The following TCERG1L variants were observed in gnomAD, a reference collection of about 807,000 sequenced individuals.
The protein encoded by TCERG1L is transcription elongation regulator 1-like protein.
TCERG1L carries 37 observed loss-of-function variants against 56.3 expected under a neutral mutation model. The observed-to-expected ratio is 0.66, with a 90% CI of 0.51 to 0.87. TCERG1L has a LOEUF of 0.87. Ranked by LOEUF, TCERG1L falls within the 40% of genes least tolerant of loss-of-function variation. The pLI is 0.00. For missense variants in TCERG1L, 799 were observed against 774.2 expected (o/e 1.03, Z -0.38); for synonymous variants, 324 against 326.3 (o/e 0.99, Z 0.08).
intron 7 of TCERG1L, among the ~76,000 whole-genome samples, chr10:131,142,059 G>C (rs1025019960): frequency 1.3e-5 from 2 of 152,214 alleles, no homozygotes; most frequent in African/African-American, 4.8e-5. Flanking sequence ...TTGGCATCAC[G>C]TTACAGAGAC....
At chr10:131,135,705 A>G (rs1845668362) in intron 7 of TCERG1L, among the ~76,000 whole-genome samples, 1 of 152,138 alleles carries the variant, frequency 6.6e-6, no homozygotes, top group Non-Finnish European at 1.5e-5. Context: ...CACGAGCCAC[A>G]GGACCACAGA....
intron 8 of TCERG1L, 64 bp downstream of exon 8, chr10:131,134,315 T>C (rs1845651246): frequency 2.1e-6 from 3 of 1,443,874 alleles, no homozygotes; most frequent in Non-Finnish European, 2.9e-6. Flanking sequence ...TGATGCCTTT[T>C]CTTTCTACAC....
chr10:131,130,503 C>T (rs1845606734), intron 8 of TCERG1L, among the ~76,000 whole-genome samples: 1 of 152,176 alleles, frequency 6.6e-6, no homozygotes, highest in South Asian at 2.1e-4. Flanking sequence ...CTGGCTGTCC[C>T]CTCAGGGCCC....
intron 4 of TCERG1L, among the ~76,000 whole-genome samples, chr10:131,208,998 C>A (rs1845583882): frequency 6.8e-6 from 1 of 146,526 alleles, no homozygotes; most frequent in Non-Finnish European, 1.5e-5. Flanking sequence ...GTGGAGGTTG[C>A]AGTGAGCTGA....
At chr10:131,265,788 CTT>C (rs1846278627) in intron 3 of TCERG1L, among the ~76,000 whole-genome samples, 1 of 152,234 alleles carries the variant, frequency 6.6e-6, no homozygotes. Context: ...AACTGTAACT[CTT>C]TTGCCAGTGG....
At chr10:131,175,596 G>A (rs972391941) in intron 4 of TCERG1L, among the ~76,000 whole-genome samples, 1 of 152,236 alleles carries the variant, frequency 6.6e-6, no homozygotes, top group Non-Finnish European at 1.5e-5. Context: ...TGAATGAGCT[G>A]ATGGTGAGTC....
chr10:131,258,918 A>C (rs1449436423), intron 4 of TCERG1L, among the ~76,000 whole-genome samples: 1 of 152,168 alleles, frequency 6.6e-6, no homozygotes, highest in Non-Finnish European at 1.5e-5. Context: ...GTCACCCCTA[A>C]TACATGTCAA....
At chr10:131,229,773 A>G (rs1404920055) in intron 4 of TCERG1L, among the ~76,000 whole-genome samples, 2 of 152,176 alleles carry the variant, frequency 1.3e-5, no homozygotes, top group Non-Finnish European at 2.9e-5. Context: ...AGAGGTAAAT[A>G]AAATTTTTAA....
At chr10:131,190,052 G>A (rs1845287848) in intron 4 of TCERG1L, among the ~76,000 whole-genome samples, 2 of 152,080 alleles carry the variant, frequency 1.3e-5, no homozygotes, top group Admixed American at 6.5e-5. Context: ...AAAGAAGAGA[G>A]AAGATCCAAA....
intron 7 of TCERG1L, among the ~76,000 whole-genome samples, chr10:131,144,043 C>T (rs1040324384): frequency 2.6e-5 from 4 of 151,768 alleles, no homozygotes; most frequent in Non-Finnish European, 5.9e-5. Flanking sequence ...TCCACGTCTC[C>T]TATCCCCACT....
intron 9 of TCERG1L, among the ~76,000 whole-genome samples, chr10:131,107,179 C>A (rs767439418): frequency 6.6e-6 from 1 of 152,180 alleles, no homozygotes; most frequent in African/African-American, 2.4e-5. Flanking sequence ...AAGCTATGGG[C>A]AGCCACCACT....
intron 4 of TCERG1L, among the ~76,000 whole-genome samples, chr10:131,167,136 C>A (rs190117485): frequency 1.1e-4 from 16 of 152,306 alleles, no homozygotes; most frequent in Admixed American, 9.8e-4. Context: ...CACCTCTGGA[C>A]TCCCCAGCCC....
intron 3 of TCERG1L, among the ~76,000 whole-genome samples, chr10:131,307,548 T>C (rs958993945): frequency 6.6e-5 from 10 of 152,238 alleles, no homozygotes; most frequent in African/African-American, 9.6e-5. Context: ...CATTTGCTTT[T>C]ATAAAATGAT....
At chr10:131,222,869 T>C (rs905147292) in intron 4 of TCERG1L, among the ~76,000 whole-genome samples, 2 of 152,078 alleles carry the variant, frequency 1.3e-5, no homozygotes, top group Non-Finnish European at 2.9e-5. Flanking sequence ...TGCCTTCCAA[T>C]TGGTCAAGGC....
chr10:131,185,553 A>T (rs1440998543), intron 4 of TCERG1L, among the ~76,000 whole-genome samples: 1 of 152,200 alleles, frequency 6.6e-6, no homozygotes, highest in African/African-American at 2.4e-5. Flanking sequence ...AAAATGACAA[A>T]CCACCGAATT....
intron 3 of TCERG1L, among the ~76,000 whole-genome samples, chr10:131,295,235 C>A (rs903631833): frequency 5.9e-5 from 9 of 152,306 alleles, no homozygotes; most frequent in African/African-American, 2.2e-4. Context: ...CAGCCAACAT[C>A]GCTTAGGAAT....
Position 131,172,418 on chromosome 10 carries a change from C to A in TCERG1L, c.857-5533G>T, listed in dbSNP as rs555660695. ...CTCATGCATTTGAAACCAACCTCCTCTGATGATCTTGGAACTAGGCAGGAA... is the reference window on the plus strand; with the variant it reads ...CTCATGCATTTGAAACCAACCTCCTATGATGATCTTGGAACTAGGCAGGAA... On this transcript the variant is annotated intron_variant, in intron 4 of 11. Transcript: ENST00000368642. Among the ~76,000 whole-genome samples the A allele has an allele frequency of 4.1e-4, 62 of 152,356 alleles. 2 individuals carry two copies. The South Asian group carries it at 0.012, about 31-fold the overall frequency.
At chr10:131,095,236 C>T (rs1277240154) in intron 11 of TCERG1L, 3 of 145,894 alleles carry the variant, frequency 2.1e-5, no homozygotes, top group South Asian at 1.8e-4. Context: ...CACCGGACGG[C>T]CAACCCCACC....
chr10:131,244,378 G>T (rs1846006543), intron 4 of TCERG1L, among the ~76,000 whole-genome samples: 1 of 152,204 alleles, frequency 6.6e-6, no homozygotes, highest in South Asian at 2.1e-4. Context: ...TCATCCAGGG[G>T]AGAGGGAGGT....
Sources: allele counts gnomAD v4.1 joint callset (sites outside exome capture counted in the v4.1 genomes callset), GRCh38; gene constraint gnomAD v4.1.1; transcripts MANE v1.5; gene names NCBI Gene and HGNC (gene_info 2026-07-23, HGNC 2026-07-21).